The following ATP2B4 variants were observed in gnomAD, a reference collection of about 807,000 sequenced individuals.
ATP2B4 encodes the protein ATPase plasma membrane Ca2+ transporting 4.
In ATP2B4, 39 loss-of-function variants were observed where a neutral mutation model predicts 110.3. The ratio of observed to expected loss-of-function variants is 0.35; its 90% confidence interval spans 0.27 to 0.46. ATP2B4 has a LOEUF of 0.46. Among genes scored for constraint, ATP2B4 ranks in the 20% least tolerant of loss-of-function variants. The pLI is 1.00. For missense variants in ATP2B4, 1,135 were observed against 1,530.9 expected, an observed-to-expected ratio of 0.74 and a Z score of 4.32; for synonymous variants, 538 against 571.7, an observed-to-expected ratio of 0.94 and a Z score of 0.84.
At chr1:203,667,539 C>A (rs761599417) in intron 1 of ATP2B4, among the ~76,000 whole-genome samples, 2 of 152,190 alleles carry the variant, frequency 1.3e-5, no homozygotes, top group Non-Finnish European at 2.9e-5. Context: ...TTCGCTTACA[C>A]CAACTTTTTT....
At chr1:203,636,345 C>A (rs1663437473) in intron 1 of ATP2B4, among the ~76,000 whole-genome samples, 1 of 152,200 alleles carries the variant, frequency 6.6e-6, no homozygotes, top group Non-Finnish European at 1.5e-5. Flanking sequence ...CCTCCCCATC[C>A]TGATCGTCGC....
rs149632140 is a variant in ATP2B4, at chr1:203,730,843, G to A, written c.3309+3272G>A. Among the ~76,000 whole-genome samples the A allele has an allele frequency of 2.0e-5, 3 of 152,282 alleles. No individual in the cohort carries two copies. In the East Asian group the frequency reaches 5.8e-4, roughly 29 times the overall value. ...AAGATGCCACAGTGACCAAATTCAC[G>A]CCATCCAGGATGCACCTGACTCTGG... On this transcript the variant is annotated intron_variant, in intron 20 of 20. Coordinates refer to ENST00000357681, the MANE Select transcript of ATP2B4 (RefSeq NM_001684.5).
chr1:203,728,293 CTTT>C, intron 20 of ATP2B4: 2 of 403,494 alleles, frequency 5.0e-6, no homozygotes. Context: ...CCCACAATAA[CTTT>C]TATTTTTTCC....
chr1:203,666,392 A>G (rs562188545), intron 1 of ATP2B4, among the ~76,000 whole-genome samples: 77 of 152,332 alleles, frequency 5.1e-4, no homozygotes, highest in African/African-American at 1.8e-3. Flanking sequence ...GGAGGTGGAC[A>G]GCAAGGCAGG....
intron 1 of ATP2B4, among the ~76,000 whole-genome samples, chr1:203,630,263 C>T (rs944295554): frequency 6.6e-6 from 1 of 152,106 alleles, no homozygotes; most frequent in Admixed American, 6.6e-5. Flanking sequence ...CTGCTCCCTG[C>T]CACCTGTCAG....
intron 1 of ATP2B4, among the ~76,000 whole-genome samples, chr1:203,656,047 T>C (rs938034471): frequency 1.7e-4 from 24 of 144,098 alleles, no homozygotes; most frequent in Admixed American, 1.6e-3. Flanking sequence ...TGGGATTACA[T>C]GTGCCACCAC....
chr1:203,676,574 T>G (rs1664834978), intron 1 of ATP2B4, among the ~76,000 whole-genome samples: 3 of 151,632 alleles, frequency 2.0e-5, no homozygotes, highest in Non-Finnish European at 4.4e-5. Context: ...AGAGAAGGAG[T>G]AGAGCTTAAA....
Position 203,712,150 on chromosome 1 carries a change from G to C in ATP2B4, c.2211+11G>C. 6.2e-7 allele frequency: 1 copy of C among 1,612,754 alleles called. No homozygotes were observed. The highest frequency in any genetic ancestry group is 1.1e-5 in the South Asian group (1 of 91,010). On this transcript the variant is annotated intron_variant, in intron 13 of 20. Transcript: ENST00000357681. ...AACGAGAAAGGCGAGGTGGGTCCTG[G>C]CTAGGGGGAACCAGGACCTCACCTG... is the stretch of plus-strand genomic sequence containing the variant.
intron 2 of ATP2B4, among the ~76,000 whole-genome samples, chr1:203,684,560 G>A (rs1320318372): frequency 5.3e-5 from 8 of 151,840 alleles, no homozygotes; most frequent in Non-Finnish European, 1.2e-4. Flanking sequence ...ATTTCACCCT[G>A]TGGGTCAGGC....
At position 203,721,282 on chromosome 1, in the gene ATP2B4, C is replaced by T. The variant is rs1189398661; in HGVS notation, c.2684C>T (p.Pro895Leu). ...TCATTGGCCCTGGCCACAGAGCCCC[C>T]TACGGAATCTCTGTTGAAGCGGCGC... ...FASLALATEPPTESLLKRRPY... is the reference protein window; with the variant it reads ...FASLALATEPLTESLLKRRPY... The change falls in exon 17 of 21, where the codon CCT (proline) becomes CTT (leucine). Residue 895 changes from proline (P) to leucine (L), a missense_variant. Around this residue, in one of 9 missense-constraint regions of ATP2B4, gnomAD observed 155 missense variants for 186.2 expected, o/e 0.83. Transcript: ENST00000357681. 2 of 1,614,124 alleles carry T rather than the reference C, an allele frequency of 1.2e-6. No homozygotes were observed. The highest frequency in any genetic ancestry group is 2.2e-5 in the East Asian group (1 of 44,896).
chr1:203,739,367 A>G (rs555043430), intron 20 of ATP2B4, among the ~76,000 whole-genome samples, 179 bp from the exon 21 acceptor site: 29 of 151,840 alleles, frequency 1.9e-4, no homozygotes, highest in African/African-American at 5.6e-4. Context: ...TTGAAAGTTG[A>G]GCCATGTGAT....
At position 203,674,637 on chromosome 1, in the gene ATP2B4, CTTTTTTTTTTTTTTTTTTTT is replaced by C. The variant is rs57153257; in HGVS notation, c.-464-8089_-464-8070del. Among the ~76,000 whole-genome samples the C allele has an allele frequency of 3.5e-4, 16 of 46,264 alleles. No individual in the cohort carries two copies. In the East Asian group the frequency reaches 0.011, roughly 31 times the overall value. The allele number at this position is 46,264 out of a possible 152,430, so 30.4% of individuals were successfully genotyped here. A position where few individuals can be genotyped will look rare whatever the true frequency, so the allele number is the denominator to read the frequency against. ...CACAGGCGTGCAACACCACACCTGGCTTTTTTTTTTTTTTTTTTTTTTTTTTTTTTTTTTTCTGAGATGGG... is the reference window on the plus strand; with the variant it reads ...CACAGGCGTGCAACACCACACCTGGCTTTTTTTTTTTTTTTCTGAGATGGG... On this transcript the variant is annotated intron_variant, in intron 1 of 20. Coordinates refer to ENST00000357681, the MANE Select transcript of ATP2B4 (RefSeq NM_001684.5).
At chr1:203,646,039 G>C (rs939722030) in intron 1 of ATP2B4, among the ~76,000 whole-genome samples, 3 of 148,690 alleles carry the variant, frequency 2.0e-5, no homozygotes, top group African/African-American at 7.3e-5. Context: ...CAAATTTTTA[G>C]CCAGGTGGTT....
chr1:203,631,043 C>G (rs1387865333), intron 1 of ATP2B4, among the ~76,000 whole-genome samples: 1 of 152,212 alleles, frequency 6.6e-6, no homozygotes, highest in Non-Finnish European at 1.5e-5. Context: ...CAGGGACTTT[C>G]TATTTCTGCC....
intron 1 of ATP2B4, among the ~76,000 whole-genome samples, chr1:203,650,144 T>C (rs983686805): frequency 2.6e-5 from 4 of 152,196 alleles, no homozygotes; most frequent in Admixed American, 1.3e-4. Context: ...CATTGATCAA[T>C]AGACATTTAT....
At chr1:203,739,436 T>G (rs747055663) in intron 20 of ATP2B4, 110 bp from the exon 21 acceptor site, 1 of 1,089,168 alleles carries the variant, frequency 9.2e-7, no homozygotes, top group Non-Finnish European at 1.3e-6. Flanking sequence ...TGAGCAGTCA[T>G]GTTTTATAGT....
At chr1:203,685,869 A>G (rs1665163425) in intron 2 of ATP2B4, among the ~76,000 whole-genome samples, 1 of 152,244 alleles carries the variant, frequency 6.6e-6, no homozygotes, top group Non-Finnish European at 1.5e-5. Context: ...TTCTCAGATT[A>G]AAACAGAGTC....
chr1:203,682,639 A>C (rs1229634874), intron 1 of ATP2B4, 103 bp from the exon 2 acceptor site: 1 of 152,478 alleles, frequency 6.6e-6, no homozygotes, highest in Non-Finnish European at 1.5e-5. Flanking sequence ...ACTGTCACTT[A>C]AACCCTTGTG....
chr1:203,712,071 C>T lies in ATP2B4; in HGVS notation c.2143C>T (p.Pro715Ser), dbSNP rs758488342. ...TGCCACCAAATGTGGCATTCTGACA[C>T]CTGGGGATGACTTCCTGTGCTTAGA... ...AIATKCGILTPGDDFLCLEGK... is the reference protein window; with the variant it reads ...AIATKCGILTSGDDFLCLEGK... Residue 715 changes from proline (P) to serine (S), a missense_variant, in exon 13 of 21, where the codon CCT (proline) becomes TCT (serine). Around this residue, in one of 9 missense-constraint regions of ATP2B4, gnomAD observed 368 missense variants for 455.9 expected, o/e 0.81. Transcript: ENST00000357681. The T allele has an allele frequency of 6.2e-7, 1 of 1,614,160 alleles. No individual in the cohort carries two copies. Among genetic ancestry groups the T allele is most frequent in the Admixed American group, 1.7e-5 (1 of 60,030 alleles).
Sources: gnomAD v4.1 joint callset for allele counts (sites outside exome capture counted in the v4.1 genomes callset) on GRCh38, gnomAD v4.1.1 for gene constraint, gnomAD v4.1.1 regional missense constraint, MANE v1.5 for transcripts, NCBI Gene and HGNC (gene_info 2026-07-23, HGNC 2026-07-21) for gene names.